Variants in CERS5 observed in about 807,000 individuals in gnomAD.
CERS5 encodes LAG1 homolog, ceramide synthase 5.
Under a neutral mutation model 58.9 loss-of-function variants are expected in CERS5, and 37 were observed. That is an observed-to-expected ratio of 0.63 (90% CI 0.48 to 0.83). The LOEUF (loss-of-function observed/expected upper bound fraction) is 0.83, where lower values mean the gene tolerates loss of function less well. Among genes scored for constraint, CERS5 ranks in the 40% least tolerant of loss-of-function variants. The pLI is 0.00. For synonymous variants in CERS5, 147 were observed against 177.8 expected, an observed-to-expected ratio of 0.83 and a Z score of 1.38; for missense variants, 398 against 489.3, an observed-to-expected ratio of 0.81 and a Z score of 1.76.
chr12:50,130,496 C>T lies in CERS5; in HGVS notation c.*49G>A, dbSNP rs189637955. On this transcript the variant is annotated 3_prime_UTR_variant, in exon 10 of 10. Transcript: ENST00000317551. The stretch of plus-strand genomic sequence containing the variant: ...GGGAAGGGCCAAGAGGAGTATGTTG[C>T]CAGTGGCCCTACAAGTCCATGTGTG... 33 of 1,486,532 alleles carry T rather than the reference C, an allele frequency of 2.2e-5. No individual in the cohort carries two copies. In the African/African-American group the frequency reaches 4.1e-4, roughly 19 times the overall value. The allele number at this position is 1,486,532 out of a possible 1,614,324, so 92.1% of individuals were successfully genotyped here. A position where few individuals can be genotyped will look rare whatever the true frequency, so the allele number is the denominator to read the frequency against.
chr12:50,134,070 T>TGAAG (rs796165226), intron 9 of CERS5: 1 of 25,792 alleles, frequency 3.9e-5, no homozygotes, highest in African/African-American at 7.7e-4. Context: ...AGATTCCATC[T>TGAAG]GAAAAAAAAA....
At position 50,163,960 on chromosome 12, in the gene CERS5, ATT is replaced by A. The variant is rs34267480; in HGVS notation, c.197+3139_197+3140del. Among the ~76,000 whole-genome samples, 1,090 of 134,884 alleles carry A rather than the reference ATT, an allele frequency of 8.1e-3. 8 individuals are homozygous for A. Among genetic ancestry groups the A allele is most frequent in the African/African-American group, 0.026 (934 of 36,274 alleles). The allele number at this position is 134,884 out of a possible 152,430, so 88.5% of individuals were successfully genotyped here. On this transcript the variant is annotated intron_variant, in intron 1 of 9. Transcript: ENST00000317551. ...TGAGCCACCATGCCCAGCCTCTACAATTTTTTTTTTTTTTTTTGAGACAGAGT... is the reference window on the plus strand; with the variant it reads ...TGAGCCACCATGCCCAGCCTCTACAATTTTTTTTTTTTTTTGAGACAGAGT...
chr12:50,167,300 T>TA lies in CERS5; in HGVS notation c.-4dup, dbSNP rs755986742. The TA allele has an allele frequency of 1.2e-5, 18 of 1,496,030 alleles. No individual in the cohort carries two copies. The highest frequency in any genetic ancestry group is 1.4e-5 in the Non-Finnish European group (16 of 1,129,184). The allele number at this position is 1,496,030 out of a possible 1,614,324, so 92.7% of individuals were successfully genotyped here. On this transcript the variant is annotated 5_prime_UTR_variant, in exon 1 of 10. Coordinates refer to ENST00000317551, the MANE Select transcript of CERS5 (RefSeq NM_147190.5). ...GGTCCCTGCGCTGCTGTCGCCATCT[T>TA]ACGCCCACCCCGAAGCCACCGCCGC...
chr12:50,167,051 CGCCCCCGGCCCGCGCCCG>C, intron 1 of CERS5, 32 bp downstream of exon 1: 3 of 1,379,864 alleles, frequency 2.2e-6, no homozygotes, highest in Non-Finnish European at 1.9e-6. Context: ...CACAGCGGGG[CGCCCCCGGCCCGCGCCCG>C]GCCCCCGAGC....
At chr12:50,142,499 G>C (rs1165903475) in intron 3 of CERS5, among the ~76,000 whole-genome samples, 1 of 143,298 alleles carries the variant, frequency 7.0e-6, no homozygotes, top group Non-Finnish European at 1.5e-5. Context: ...GCAGTGAGCA[G>C]AGACTGTGCC....
intron 1 of CERS5, among the ~76,000 whole-genome samples, chr12:50,159,344 A>G (rs1239468299): frequency 6.6e-6 from 1 of 152,142 alleles, no homozygotes; most frequent in Non-Finnish European, 1.5e-5. Flanking sequence ...AAATTACTCA[A>G]AATAGAATAT....
chr12:50,132,962 A>G (rs1351441225), intron 9 of CERS5: 4 of 1,288,958 alleles, frequency 3.1e-6, no homozygotes, highest in African/African-American at 3.0e-5. Flanking sequence ...ATACACTTAC[A>G]TGCAAGAGAT....
intron 1 of CERS5, among the ~76,000 whole-genome samples, chr12:50,152,470 A>G (rs1360931575): frequency 6.6e-6 from 1 of 152,260 alleles, no homozygotes; most frequent in Non-Finnish European, 1.5e-5. Context: ...GATTGGGCAC[A>G]GTGGCTTATG....
chr12:50,137,609 C>T lies in CERS5; in HGVS notation c.636+119G>A, dbSNP rs1203612190. The T allele has an allele frequency of 6.6e-6, 4 of 603,760 alleles. No homozygotes were observed. The East Asian group carries it at 1.2e-4, about 18-fold the overall frequency. The allele number at this position is 603,760 out of a possible 1,614,324, so 37.4% of individuals were successfully genotyped here. A position where few individuals can be genotyped will look rare whatever the true frequency, so the allele number is the denominator to read the frequency against. On this transcript the variant is annotated intron_variant, in intron 6 of 9. Coordinates refer to ENST00000317551, the MANE Select transcript of CERS5 (RefSeq NM_147190.5). ...ACATTACGACAAGCTAAGAGTCCAT[C>T]AAACCCAGTTTCTCCTTTTGCAGTC... is the stretch of plus-strand genomic sequence containing the variant.
At chr12:50,141,960 A>AAAAAAAAAAAAAATCT in intron 4 of CERS5, 93 bp downstream of exon 4, 2 of 768,524 alleles carry the variant, frequency 2.6e-6, no homozygotes, top group Non-Finnish European at 4.2e-6. Flanking sequence ...AAAAAAAAAG[A>AAAAAAAAAAAAAATCT]AAAGAAAAAA....
intron 9 of CERS5, chr12:50,133,806 G>A (rs190142834): frequency 6.9e-4 from 678 of 983,276 alleles, no homozygotes; most frequent in Non-Finnish European, 7.7e-4. Flanking sequence ...AGGTGCGGTG[G>A]CTCACGCCTG....
intron 9 of CERS5, 149 bp downstream of exon 9, chr12:50,134,393 CACTT>C: frequency 6.3e-7 from 1 of 1,581,494 alleles, no homozygotes; most frequent in Non-Finnish European, 8.5e-7. Context: ...AAAGGCAAAA[CACTT>C]ACCGAAGAGG....
At chr12:50,151,606 G>T (rs1937966850) in intron 1 of CERS5, among the ~76,000 whole-genome samples, 1 of 152,142 alleles carries the variant, frequency 6.6e-6, no homozygotes, top group South Asian at 2.1e-4. Context: ...TTACTAAAGA[G>T]GATTCAAGCT....
At chr12:50,144,690 A>G in intron 1 of CERS5, 1 of 754,776 alleles carries the variant, frequency 1.3e-6, no homozygotes, top group South Asian at 1.8e-5. Flanking sequence ...AGGAAAGGTG[A>G]GAAGGAAATC....
At position 50,132,891 on chromosome 12, in the gene CERS5, G is replaced by C. The variant is rs895710387; in HGVS notation, c.1029+1655C>G. 17 of 1,276,698 alleles carry C rather than the reference G, an allele frequency of 1.3e-5. No homozygotes were observed. The Admixed American group carries it at 4.0e-4, about 30-fold the overall frequency. 79.1% of individuals were successfully genotyped at this position (1,276,698 alleles called of 1,614,324 possible). A position where few individuals can be genotyped will look rare whatever the true frequency, so the allele number is the denominator to read the frequency against. On this transcript the variant is annotated intron_variant, in intron 9 of 9. Coordinates refer to ENST00000317551, the MANE Select transcript of CERS5 (RefSeq NM_147190.5). ...GACAAACACAAGGGAACAGAAAGGA[G>C]AGCAGGAGGAAAGAGAACCACATTC...
intron 9 of CERS5, chr12:50,134,208 C>T (rs1210032872): frequency 2.8e-6 from 1 of 360,458 alleles, no homozygotes; most frequent in South Asian, 2.4e-5. Flanking sequence ...TAGTGACACC[C>T]TATCTACAAA....
chr12:50,131,558 CAAAAA>C (rs752634104), intron 9 of CERS5, among the ~76,000 whole-genome samples: 1 of 69,832 alleles, frequency 1.4e-5, no homozygotes, highest in Non-Finnish European at 2.7e-5. Flanking sequence ...GACTCCATCT[CAAAAA>C]AAAAAAAAAA....
chr12:50,147,433 A>G (rs1453074996), intron 1 of CERS5: 1 of 146,988 alleles, frequency 6.8e-6, no homozygotes, highest in African/African-American at 2.5e-5. Context: ...AAAAATAGGT[A>G]CCTAGGGTGG....
At position 50,135,865 on chromosome 12, in the gene CERS5, TG is replaced by T. The variant is rs769940740; in HGVS notation, c.766-28del. The T allele has an allele frequency of 1.5e-5, 24 of 1,604,438 alleles. No homozygotes were observed. The Admixed American group carries it at 2.4e-4, about 16-fold the overall frequency. On this transcript the variant is annotated intron_variant, in intron 7 of 9. Transcript: ENST00000317551. ...TGGAGAAAGGAAGAAAGAATTGAGCTGGGGAGAAAGTCATTCCTCACATAGG... is the reference window on the plus strand; with the variant it reads ...TGGAGAAAGGAAGAAAGAATTGAGCTGGGAGAAAGTCATTCCTCACATAGG...
Sources: allele counts gnomAD v4.1 joint callset (sites outside exome capture counted in the v4.1 genomes callset), GRCh38; gene constraint gnomAD v4.1.1; transcripts MANE v1.5; gene names NCBI Gene and HGNC (gene_info 2026-07-23, HGNC 2026-07-21).